The following USP34 variants were observed in gnomAD, a reference collection of about 807,000 sequenced individuals.
USP34 encodes the protein ubiquitin carboxyl-terminal hydrolase 34.
USP34 carries 70 observed loss-of-function variants against 460.3 expected under a neutral mutation model. The ratio of observed to expected loss-of-function variants is 0.15; its 90% CI spans 0.13 to 0.19. The LOEUF is 0.19. USP34 is among the 10% of genes least tolerant of loss of function. The pLI, the probability that USP34 is intolerant of heterozygous loss-of-function variation, is 1.00. For missense variants in USP34, 3,985 were observed against 4,236.2 expected (o/e 0.94, Z 1.65); for synonymous variants, 1,647 against 1,405.3 (o/e 1.17, Z -3.85).
At chr2:61,280,885 C>CATTT (rs769554027) in intron 38 of USP34, among the ~76,000 whole-genome samples, 6 of 152,118 alleles carry the variant, frequency 3.9e-5, no homozygotes, top group Non-Finnish European at 8.8e-5. Flanking sequence ...GACCACAGAG[C>CATTT]TGAAATCAGT....
intron 19 of USP34, 88 bp downstream of exon 19, chr2:61,333,793 TA>T: frequency 1.1e-6 from 1 of 884,934 alleles, no homozygotes; most frequent in Non-Finnish European, 1.6e-6. Flanking sequence ...TGGTACAGAG[TA>T]AAAGCTTGTA....
At chr2:61,246,211 T>C (rs1481842548) in intron 50 of USP34, 113 bp downstream of exon 50, 8 of 772,176 alleles carry the variant, frequency 1.0e-5, no homozygotes, top group Middle Eastern at 4.2e-4. Flanking sequence ...TTTAAAAATT[T>C]TGTCTGCCTC....
intron 6 of USP34, 98 bp downstream of exon 6, chr2:61,383,171 A>G: frequency 2.6e-6 from 2 of 759,436 alleles, no homozygotes; most frequent in Non-Finnish European, 4.0e-6. Flanking sequence ...TCTAGAGGAT[A>G]TGACTATAGG....
At chr2:61,269,288 G>A (rs966869485) in intron 41 of USP34, among the ~76,000 whole-genome samples, 5 of 150,650 alleles carry the variant, frequency 3.3e-5, no homozygotes, top group Non-Finnish European at 4.4e-5. Context: ...AGCCTCCTGC[G>A]TAGCTTGGAC....
At chr2:61,244,523 G>C (rs1391495159) in intron 51 of USP34, among the ~76,000 whole-genome samples, 1 of 151,518 alleles carries the variant, frequency 6.6e-6, no homozygotes, top group Non-Finnish European at 1.5e-5. Context: ...GCTGAGACTC[G>C]AGAATAGCTG....
At chr2:61,427,152 C>T (rs900289853) in intron 1 of USP34, among the ~76,000 whole-genome samples, 4 of 152,170 alleles carry the variant, frequency 2.6e-5, no homozygotes, top group African/African-American at 7.2e-5. Flanking sequence ...CTCAGCCTCC[C>T]GAGTAGCTGG....
intron 10 of USP34, among the ~76,000 whole-genome samples, chr2:61,351,610 T>A (rs1482243461): frequency 1.3e-5 from 2 of 152,178 alleles, no homozygotes; most frequent in Non-Finnish European, 2.9e-5. Context: ...TATTAAAATA[T>A]AGATTTTACT....
chr2:61,298,277 T>G (rs1241735294), intron 29 of USP34, among the ~76,000 whole-genome samples: 3 of 150,134 alleles, frequency 2.0e-5, no homozygotes, highest in African/African-American at 4.9e-5. Flanking sequence ...ATCCTAGCAC[T>G]TTGGGAGGCA....
intron 58 of USP34, among the ~76,000 whole-genome samples, chr2:61,229,915 T>C (rs1038116825): frequency 2.0e-5 from 3 of 152,040 alleles, no homozygotes; most frequent in African/African-American, 2.4e-5. Flanking sequence ...TTTTAGCTAG[T>C]GGAGATACAG....
chr2:61,206,441 T>C (rs572178965), intron 71 of USP34, among the ~76,000 whole-genome samples: 1 of 152,064 alleles, frequency 6.6e-6, no homozygotes, highest in African/African-American at 2.4e-5. Context: ...GCAAATGATC[T>C]AATCTAAGCC....
intron 2 of USP34, among the ~76,000 whole-genome samples, chr2:61,407,187 A>G (rs1343087622): frequency 6.6e-6 from 1 of 152,154 alleles, no homozygotes; most frequent in African/African-American, 2.4e-5. Context: ...GGAGCTCAAG[A>G]CAACCCAGGG....
At chr2:61,312,218 G>C (rs1466333909) in intron 25 of USP34, among the ~76,000 whole-genome samples, 1 of 149,798 alleles carries the variant, frequency 6.7e-6, no homozygotes, top group Admixed American at 6.6e-5. Flanking sequence ...GGAGAGATAG[G>C]AGGAATTAAA....
chr2:61,337,626 A>G (rs1477140259), intron 18 of USP34, among the ~76,000 whole-genome samples: 1 of 151,820 alleles, frequency 6.6e-6, no homozygotes, highest in Admixed American at 6.6e-5. Flanking sequence ...GGATACTTTT[A>G]TTTGTATTTT....
chr2:61,213,665 T>C (rs1266496843), intron 68 of USP34, among the ~76,000 whole-genome samples: 1 of 152,206 alleles, frequency 6.6e-6, no homozygotes, highest in Non-Finnish European at 1.5e-5. Context: ...AGATATAAAA[T>C]TGTCTAGCTC....
chr2:61,411,416 A>G (rs554242816), intron 2 of USP34, among the ~76,000 whole-genome samples: 32 of 152,116 alleles, frequency 2.1e-4, no homozygotes, highest in African/African-American at 6.0e-4. Context: ...TGAAAGCAAG[A>G]TAAGTGAAAT....
intron 68 of USP34, 133 bp downstream of exon 68, chr2:61,213,927 A>C: frequency 9.2e-7 from 1 of 1,091,702 alleles, no homozygotes; most frequent in Non-Finnish European, 1.3e-6. Flanking sequence ...ATTTAAGAAA[A>C]CAAATACACA....
chr2:61,304,814 A>G (rs1366209332), intron 27 of USP34, among the ~76,000 whole-genome samples: 1 of 152,224 alleles, frequency 6.6e-6, no homozygotes, highest in African/African-American at 2.4e-5. Flanking sequence ...ATTTTATAAT[A>G]CATTGAGCTG....
At chr2:61,440,168 C>T (rs992021376) in intron 1 of USP34, among the ~76,000 whole-genome samples, 1 of 152,160 alleles carries the variant, frequency 6.6e-6, no homozygotes, top group African/African-American at 2.4e-5. Flanking sequence ...TCAGGGTGGG[C>T]TGCTTGAGTC....
At chr2:61,408,052 T>C (rs1031282779) in intron 2 of USP34, among the ~76,000 whole-genome samples, 1 of 152,050 alleles carries the variant, frequency 6.6e-6, no homozygotes, top group Non-Finnish European at 1.5e-5. Context: ...GAAACAAAGA[T>C]TGCAGTGAGC....
Sources: allele counts gnomAD v4.1 joint callset (sites outside exome capture counted in the v4.1 genomes callset), GRCh38; gene constraint gnomAD v4.1.1; transcripts MANE v1.5; gene names NCBI Gene and HGNC (gene_info 2026-07-23, HGNC 2026-07-21).